TNNT1: variants seen among roughly 807,000 people sequenced by gnomAD.
TNNT1 encodes the protein troponin T1, slow skeletal type, also known as troponin T, slow skeletal muscle.
TNNT1 carries 53 observed loss-of-function variants against 50.6 expected under a neutral mutation model. The observed-to-expected ratio is 1.05, with a 90% confidence interval of 0.84 to 1.32. The LOEUF (loss-of-function observed/expected upper bound fraction) is 1.32, where lower values mean the gene tolerates loss of function less well. Ranked by LOEUF, TNNT1 falls within the 40% of genes most tolerant of loss-of-function variation. The probability of loss-of-function intolerance (pLI) is 0.00; values close to 1 mark genes in which losing one functional copy is unlikely to be tolerated. For missense variants in TNNT1, 348 were observed against 381.7 expected (o/e 0.91, Z 0.74); for synonymous variants, 142 against 138.0 (o/e 1.03, Z -0.20).
Position 55,141,362 on chromosome 19 carries a change from C to T in TNNT1, c.193-60G>A, listed in dbSNP as rs557055888. 4.9e-5 allele frequency: 60 copies of T among 1,229,796 alleles called. No individual in the cohort carries two copies. In the African/African-American group the frequency reaches 8.0e-4, roughly 16 times the overall value. 76.2% of individuals were successfully genotyped at this position (1,229,796 alleles called of 1,614,324 possible). A position where few individuals can be genotyped will look rare whatever the true frequency, so the allele number is the denominator to read the frequency against. ...CCTGGAGGGGGCAGCAGCCTCCCAG[C>T]ACCTCCCCCATGCAGGATGGTGAAC... On this transcript the variant is annotated intron_variant, in intron 7 of 13. Coordinates refer to ENST00000588981, the MANE Select transcript of TNNT1 (RefSeq NM_003283.6).
intron 9 of TNNT1, 73 bp from the exon 10 acceptor site, chr19:55,138,147 C>A (rs755705334): frequency 6.2e-7 from 1 of 1,611,212 alleles, no homozygotes; most frequent in Non-Finnish European, 8.5e-7. Flanking sequence ...GGATGTGGAA[C>A]TGGGGCACAG....
At chr19:55,133,737 G>C (rs2085289980) in intron 13 of TNNT1, 150 bp downstream of exon 13, 10 of 863,646 alleles carry the variant, frequency 1.2e-5, no homozygotes, top group Non-Finnish European at 1.9e-5. Flanking sequence ...GATTCCGAGA[G>C]CAGAGAGAGG....
At chr19:55,140,240 G>C (rs185961949) in intron 9 of TNNT1, among the ~76,000 whole-genome samples, 1 of 152,100 alleles carries the variant, frequency 6.6e-6, no homozygotes, top group African/African-American at 2.4e-5. Context: ...CAGGTGGATT[G>C]CTTGAGCTTA....
intron 4 of TNNT1, 43 bp downstream of exon 4, chr19:55,146,630 TCCCCGCCC>T: frequency 9.8e-7 from 1 of 1,025,166 alleles, no homozygotes; most frequent in Non-Finnish European, 1.4e-6. Flanking sequence ...GGGCCCAGCG[TCCCCGCCC>T]CCCCACCCCC....
intron 13 of TNNT1, 87 bp downstream of exon 13, chr19:55,133,800 G>C: frequency 6.8e-7 from 1 of 1,480,398 alleles, no homozygotes; most frequent in Non-Finnish European, 9.4e-7. Context: ...GGCAGTGGGG[G>C]ATGGAGCCCA....
intron 10 of TNNT1, 92 bp from the exon 11 acceptor site, chr19:55,137,304 T>C (rs879689478): frequency 4.2e-5 from 38 of 894,498 alleles, no homozygotes; most frequent in Admixed American, 2.9e-4. Context: ...CCACAGACCA[T>C]TTCCATGTTG....
intron 9 of TNNT1, among the ~76,000 whole-genome samples, chr19:55,138,977 G>A (rs568055493): frequency 1.3e-5 from 2 of 152,262 alleles, no homozygotes; most frequent in African/African-American, 4.8e-5. Flanking sequence ...TGTACACCCA[G>A]CACTCCGTAC....
chr19:55,146,803 G>T, intron 3 of TNNT1, 96 bp from the exon 4 acceptor site: 2 of 1,164,924 alleles, frequency 1.7e-6, no homozygotes, highest in Non-Finnish European at 2.4e-6. Context: ...CTGGACGGGG[G>T]TCCCTCTGGC....
Position 55,133,886 on chromosome 19 carries a change from C to T in TNNT1, c.791+1G>A, listed in dbSNP as rs1219022335. The T allele has an allele frequency of 1.2e-6, 2 of 1,613,694 alleles. No individual in the cohort carries two copies. The highest frequency in any genetic ancestry group is 8.5e-7 in the Non-Finnish European group (1 of 1,180,016). On this transcript the variant is annotated splice_donor_variant, in intron 13 of 13. Transcript: ENST00000588981. LOFTEE classifies it high-confidence loss of function. ...CAAGGGCTTGAGACGGTCACACTCACAACTTCTGGGCGTGGCTGATGCGGT... is the reference window on the plus strand; with the variant it reads ...CAAGGGCTTGAGACGGTCACACTCATAACTTCTGGGCGTGGCTGATGCGGT...
intron 11 of TNNT1, among the ~76,000 whole-genome samples, chr19:55,135,818 C>CCCGG (rs1486113542): frequency 6.6e-6 from 1 of 151,962 alleles, no homozygotes; most frequent in Non-Finnish European, 1.5e-5. Context: ...GCCGCGCCCG[C>CCCGG]CCGGCCAACA....
In TNNT1 at chr19:55,146,385, C is replaced by A. The variant is rs751270576; in HGVS notation, c.106+49G>T. 97 of 1,325,968 alleles carry A rather than the reference C, an allele frequency of 7.3e-5. No homozygotes were observed. In the East Asian group the frequency reaches 2.9e-3, roughly 40 times the overall value. 82.1% of individuals were successfully genotyped at this position (1,325,968 alleles called of 1,614,324 possible). On this transcript the variant is annotated intron_variant, in intron 5 of 13. Coordinates refer to ENST00000588981, the MANE Select transcript of TNNT1 (RefSeq NM_003283.6). ...TTGGGGCCCGAGGATATCGGGGGTC[C>A]CCCCGGGCCCCCGACATCGGTCTCG...
At chr19:55,147,354 C>A (rs1282147772) in intron 1 of TNNT1, 186 bp from the exon 2 acceptor site, 2 of 171,086 alleles carry the variant, frequency 1.2e-5, no homozygotes, top group African/African-American at 4.9e-5. Context: ...GCCTGGACTC[C>A]TGGGTCTGAG....
intron 7 of TNNT1, 70 bp from the exon 8 acceptor site, chr19:55,141,372 A>G: frequency 8.7e-7 from 1 of 1,146,698 alleles, no homozygotes; most frequent in Non-Finnish European, 1.3e-6. Flanking sequence ...CACCTCCCCC[A>G]TGCAGGATGG....
intron 11 of TNNT1, chr19:55,135,496 T>A: frequency 3.1e-6 from 1 of 325,092 alleles, no homozygotes; most frequent in Non-Finnish European, 6.0e-6. Context: ...TCTCAACCTC[T>A]CAGGCTCTAG....
chr19:55,142,094 C>T (rs913875627), intron 6 of TNNT1, 174 bp from the exon 7 acceptor site: 2 of 635,258 alleles, frequency 3.1e-6, no homozygotes, highest in South Asian at 1.8e-5. Context: ...TAAAATACCT[C>T]ACTACTCATG....
rs1480096699 is a variant in TNNT1, at chr19:55,134,128, T to A, written c.688A>T (p.Ile230Phe). Reference protein sequence around the residue: ...REKAQELSDWIHQLESEKFDL... With the variant: ...REKAQELSDWFHQLESEKFDL... ...AACTTCTCAGACTCCAGCTGGTGGATCCAGTCCGACAGCTCCTGGGCTTTC... is the reference window on the plus strand; with the variant it reads ...AACTTCTCAGACTCCAGCTGGTGGAACCAGTCCGACAGCTCCTGGGCTTTC... The change falls in exon 12 of 14, where the codon ATC becomes TTC. Residue 230 changes from isoleucine to phenylalanine, a missense_variant. This residue lies in a region of TNNT1 where 253 missense variants were observed against 291.8 expected (regional missense o/e 0.87). Coordinates refer to ENST00000588981, the MANE Select transcript of TNNT1 (RefSeq NM_003283.6). 3.7e-6 allele frequency: 6 copies of A among 1,610,658 alleles called. No homozygotes were observed. The South Asian group carries it at 6.6e-5, about 18-fold the overall frequency.
intron 7 of TNNT1, among the ~76,000 whole-genome samples, 196 bp from the exon 8 acceptor site, chr19:55,141,498 C>A (rs1219746916): frequency 6.6e-5 from 10 of 151,734 alleles, no homozygotes; most frequent in Admixed American, 3.9e-4. Context: ...GGAGTGGGGA[C>A]CGGCGCCTTT....
intron 13 of TNNT1, among the ~76,000 whole-genome samples, 168 bp from the exon 14 acceptor site, chr19:55,133,128 G>T (rs1046480396): frequency 2.1e-4 from 32 of 152,124 alleles, no homozygotes; most frequent in African/African-American, 7.5e-4. Flanking sequence ...TGACTGGGGG[G>T]CAGCGGCTGG....
chr19:55,146,404 G>T (rs769812713), intron 5 of TNNT1, 30 bp downstream of exon 5: 2 of 1,345,050 alleles, frequency 1.5e-6, no homozygotes, highest in South Asian at 3.9e-5. Flanking sequence ...CCCCGACATC[G>T]GTCTCGGGAA....
Sources: allele counts gnomAD v4.1 joint callset (sites outside exome capture counted in the v4.1 genomes callset), GRCh38; gene constraint gnomAD v4.1.1; regional missense constraint gnomAD v4.1.1; transcripts MANE v1.5; gene names NCBI Gene and HGNC (gene_info 2026-07-23, HGNC 2026-07-21).